The following PTPRZ1 variants were observed in gnomAD, a reference collection of about 807,000 sequenced individuals.
The protein encoded by PTPRZ1 is receptor-type tyrosine-protein phosphatase zeta.
A neutral mutation model predicts 214.1 loss-of-function variants in PTPRZ1; 82 were observed. That is an observed-to-expected ratio of 0.38 (90% confidence interval 0.32 to 0.46). The LOEUF (loss-of-function observed/expected upper bound fraction) is 0.46. Ranked by LOEUF, PTPRZ1 falls within the 20% of genes least tolerant of loss-of-function variation. The pLI is 1.00. For synonymous variants in PTPRZ1, 945 were observed against 987.9 expected, an observed-to-expected ratio of 0.96 and a Z score of 0.81; for missense variants, 2,603 against 2,748.7, an observed-to-expected ratio of 0.95 and a Z score of 1.19.
chr7:122,036,157 A>G (rs1162078412), intron 17 of PTPRZ1, among the ~76,000 whole-genome samples: 1 of 151,990 alleles, frequency 6.6e-6, no homozygotes, highest in Non-Finnish European at 1.5e-5. Context: ...CCTCCTGTTC[A>G]TCCTTACCTA....
At chr7:121,947,728 T>A (rs1054178456) in intron 2 of PTPRZ1, among the ~76,000 whole-genome samples, 7 of 152,228 alleles carry the variant, frequency 4.6e-5, no homozygotes, top group Non-Finnish European at 7.3e-5. Flanking sequence ...TGTAGCTCTT[T>A]ACCAGTTTAT....
chr7:121,990,461 T>A (rs924547528), intron 8 of PTPRZ1, among the ~76,000 whole-genome samples: 5 of 150,636 alleles, frequency 3.3e-5, no homozygotes, highest in Non-Finnish European at 7.4e-5. Flanking sequence ...CTTCTAAGGA[T>A]CACAGAATTT....
At chr7:121,922,855 A>G (rs1480560976) in intron 1 of PTPRZ1, among the ~76,000 whole-genome samples, 1 of 152,104 alleles carries the variant, frequency 6.6e-6, no homozygotes, top group African/African-American at 2.4e-5. Context: ...CAACCCTTTC[A>G]TTTCAGTTAA....
intron 27 of PTPRZ1, among the ~76,000 whole-genome samples, chr7:122,057,967 TG>T (rs1792418403): frequency 8.0e-4 from 22 of 27,434 alleles, no homozygotes; most frequent in Admixed American, 5.0e-3. Context: ...TGTGTGTGTG[TG>T]TATATATATA....
At chr7:121,943,269 A>G (rs1180138417) in intron 2 of PTPRZ1, among the ~76,000 whole-genome samples, 1 of 152,174 alleles carries the variant, frequency 6.6e-6, no homozygotes, top group Non-Finnish European at 1.5e-5. Flanking sequence ...TCTTTTTTTG[A>G]CAGTGAAATT....
intron 1 of PTPRZ1, among the ~76,000 whole-genome samples, chr7:121,883,331 A>G (rs1220526390): frequency 3.9e-5 from 6 of 152,180 alleles, no homozygotes; most frequent in Admixed American, 3.9e-4. Flanking sequence ...GTTTCAGGTT[A>G]ATCTTATCAA....
intron 27 of PTPRZ1, 52 bp downstream of exon 27, chr7:122,055,139 A>G (rs762737283): frequency 1.4e-6 from 2 of 1,383,730 alleles, no homozygotes; most frequent in Non-Finnish European, 1.9e-6. Context: ...CATGTTAAAC[A>G]TATTCTGACC....
At chr7:122,005,614 A>T (rs28493707) in intron 11 of PTPRZ1, among the ~76,000 whole-genome samples, 3,462 of 152,160 alleles carry the variant, frequency 0.023, 40 homozygotes, top group Middle Eastern at 0.034. Flanking sequence ...GTATATGTAC[A>T]TACATGCTCA....
chr7:121,998,157 A>G, intron 10 of PTPRZ1, 151 bp downstream of exon 10: 1 of 783,408 alleles, frequency 1.3e-6, no homozygotes. Flanking sequence ...TTTTTGGGGC[A>G]TGGGACCCAT....
chr7:122,021,370 A>G (rs1396148247), intron 13 of PTPRZ1, among the ~76,000 whole-genome samples: 2 of 152,128 alleles, frequency 1.3e-5, no homozygotes, highest in Admixed American at 6.5e-5. Context: ...CTTCAATAAG[A>G]TATTTCTTTT....
At chr7:121,954,051 C>T (rs528692755) in intron 2 of PTPRZ1, among the ~76,000 whole-genome samples, 3 of 152,298 alleles carry the variant, frequency 2.0e-5, no homozygotes, top group South Asian at 4.1e-4. Context: ...AATTTTTTCT[C>T]AAATATTAAA....
intron 23 of PTPRZ1, among the ~76,000 whole-genome samples, chr7:122,046,831 G>C (rs1792001362): frequency 6.6e-6 from 1 of 152,148 alleles, no homozygotes; most frequent in Admixed American, 6.6e-5. Flanking sequence ...AGAGAGGTCT[G>C]GCCTGAAGAA....
intron 2 of PTPRZ1, among the ~76,000 whole-genome samples, chr7:121,954,588 T>C (rs1007418875): frequency 2.6e-5 from 4 of 152,230 alleles, no homozygotes; most frequent in African/African-American, 9.6e-5. Flanking sequence ...TGCATATTTC[T>C]GCTATTATAT....
intron 8 of PTPRZ1, among the ~76,000 whole-genome samples, chr7:121,985,345 T>C (rs1797735654): frequency 6.6e-6 from 1 of 152,174 alleles, no homozygotes; most frequent in South Asian, 2.1e-4. Context: ...ATTAAATAAA[T>C]ATGATTTTTT....
At chr7:121,934,115 G>A (rs1475008848) in intron 2 of PTPRZ1, among the ~76,000 whole-genome samples, 3 of 152,172 alleles carry the variant, frequency 2.0e-5, no homozygotes, top group African/African-American at 7.2e-5. Context: ...TGAAACCATA[G>A]GAGGCAGGAG....
In PTPRZ1 at chr7:122,039,459, A is replaced by G. The variant is rs1411664333; in HGVS notation, c.5508A>G (p.Lys1836=). ...ITNLVEKGRR[K]CDQYWPADGS... ...ATCTACATTTTCTTTTGCAGAGAAA[A>G]TGTGATCAGTACTGGCCTGCCGATG... The change falls in exon 20 of 30, where the codon AAA becomes AAG. Residue 1836 remains lysine (K), a synonymous_variant. Coordinates refer to ENST00000393386, the MANE Select transcript of PTPRZ1 (RefSeq NM_002851.3). 1.9e-6 allele frequency: 3 copies of G among 1,608,022 alleles called. No homozygotes were observed. The highest frequency in any genetic ancestry group is 2.5e-6 in the Non-Finnish European group (3 of 1,178,648).
intron 10 of PTPRZ1, among the ~76,000 whole-genome samples, chr7:122,002,891 A>T (rs1046213001): frequency 1.3e-5 from 2 of 152,228 alleles, no homozygotes; most frequent in African/African-American, 4.8e-5. Flanking sequence ...CAGTCTATGA[A>T]AAAGAGTGGC....
rs758934427 is a variant in PTPRZ1, at chr7:121,972,559, A to G, written c.323A>G (p.Asn108Ser). Residue 108 changes from asparagine to serine, a missense_variant, in exon 4 of 30, where the codon AAT becomes AGT. This residue lies in a region of PTPRZ1 where 141 missense variants were observed against 143.7 expected (regional missense o/e 0.98). Coordinates refer to ENST00000393386, the MANE Select transcript of PTPRZ1 (RefSeq NM_002851.3). ...TGKTVEINLT[N>S]DYRVSGGVSE... ...TTTTTAGTGGAAATTAATCTCACTAATGACTACCGTGTCAGCGGAGGAGTT... is the reference window on the plus strand; with the variant it reads ...TTTTTAGTGGAAATTAATCTCACTAGTGACTACCGTGTCAGCGGAGGAGTT... 1 of 1,607,744 alleles carries G rather than the reference A, an allele frequency of 6.2e-7. No homozygotes were observed. Among genetic ancestry groups the G allele is most frequent in the South Asian group, 1.1e-5 (1 of 89,100 alleles).
intron 1 of PTPRZ1, 120 bp downstream of exon 1, chr7:121,873,677 C>A: frequency 1.6e-6 from 2 of 1,245,432 alleles, no homozygotes; most frequent in Non-Finnish European, 2.3e-6. Flanking sequence ...GAAAAAGGGA[C>A]AGCCAACTGG....
Sources: gnomAD v4.1 joint callset for allele counts (sites outside exome capture counted in the v4.1 genomes callset) on GRCh38, gnomAD v4.1.1 for gene constraint, gnomAD v4.1.1 regional missense constraint, MANE v1.5 for transcripts, NCBI Gene and HGNC (gene_info 2026-07-23, HGNC 2026-07-21) for gene names.